SLC4A10: variants seen among roughly 807,000 people sequenced by gnomAD.
SLC4A10 encodes sodium-driven chloride bicarbonate exchanger.
A neutral mutation model predicts 137.7 loss-of-function variants in SLC4A10; 42 were observed. The ratio of observed to expected loss-of-function variants is 0.30; its 90% CI spans 0.24 to 0.39. The LOEUF is 0.39. SLC4A10 is among the 10% of genes least tolerant of loss of function. SLC4A10 has a pLI of 1.00. For missense variants in SLC4A10, 925 were observed against 1,355.0 expected, an observed-to-expected ratio of 0.68 and a Z score of 4.98; for synonymous variants, 474 against 464.1, an observed-to-expected ratio of 1.02 and a Z score of -0.27.
chr2:161,947,447 G>C (rs1694024090), intron 16 of SLC4A10, 119 bp from the exon 17 acceptor site: 2 of 982,108 alleles, frequency 2.0e-6, no homozygotes, highest in East Asian at 2.9e-5. Flanking sequence ...ATCATTGTGA[G>C]AGCCATAAAG....
chr2:161,667,203 T>A (rs2039148741), intron 1 of SLC4A10, among the ~76,000 whole-genome samples: 2 of 151,632 alleles, frequency 1.3e-5, no homozygotes, highest in Non-Finnish European at 1.5e-5. Context: ...CTTGTTTTCT[T>A]CATCTTCCTG....
chr2:161,724,321 G>A (rs1359343867), intron 1 of SLC4A10, among the ~76,000 whole-genome samples: 2 of 152,138 alleles, frequency 1.3e-5, no homozygotes, highest in African/African-American at 4.8e-5. Flanking sequence ...AATTTTTAGA[G>A]TTATTTTCAT....
intron 6 of SLC4A10, among the ~76,000 whole-genome samples, chr2:161,866,777 T>A (rs145032089): frequency 1.3e-5 from 2 of 151,992 alleles, no homozygotes; most frequent in East Asian, 3.9e-4. Flanking sequence ...AGTATCTGTA[T>A]TTATCATTTA....
intron 1 of SLC4A10, among the ~76,000 whole-genome samples, chr2:161,767,141 G>GTA (rs2050945493): frequency 1.2e-5 from 1 of 80,312 alleles, no homozygotes; most frequent in South Asian, 4.6e-4. Flanking sequence ...ATATATATAT[G>GTA]TGTGTGTGTG....
chr2:161,911,700 C>G (rs937965012), intron 15 of SLC4A10, among the ~76,000 whole-genome samples: 5 of 152,048 alleles, frequency 3.3e-5, no homozygotes, highest in African/African-American at 1.2e-4. Context: ...TTAGGCAGAT[C>G]TATGTACCTA....
At chr2:161,678,271 T>G (rs1245486378) in intron 1 of SLC4A10, among the ~76,000 whole-genome samples, 4 of 152,138 alleles carry the variant, frequency 2.6e-5, no homozygotes, top group African/African-American at 9.7e-5. Context: ...AGAAGACTTC[T>G]GAATATCTCC....
In SLC4A10 at chr2:161,930,443, T is replaced by C. The variant is rs115789664; in HGVS notation, c.1998-12349T>C. On this transcript the variant is annotated intron_variant, in intron 15 of 26. Transcript: ENST00000446997. ...ATCCATGAAACTCTAGGAATAGTAC[T>C]AGAAGCTTTATACACCATTATATAT... 8.8e-3 allele frequency among the ~76,000 whole-genome samples: 1,340 copies of C among 152,050 alleles called. 12 individuals carry two copies. The highest frequency in any genetic ancestry group is 0.034 in the South Asian group (164 of 4,824).
rs536970774 is a variant in SLC4A10 at position 161,981,053 on chromosome 2, T to C, written c.*27-2126T>C. Among the ~76,000 whole-genome samples the C allele has an allele frequency of 3.9e-5, 6 of 152,258 alleles. No individual in the cohort carries two copies. The East Asian group carries it at 1.2e-3, about 29-fold the overall frequency. Reference sequence around the variant, plus strand: ...TCTGATACCAAAACTATGGTTATGATGAAGAGGGAAAAAAACCCAGACATT... The same window carrying C: ...TCTGATACCAAAACTATGGTTATGACGAAGAGGGAAAAAAACCCAGACATT... On this transcript the variant is annotated intron_variant, in intron 26 of 26. Coordinates refer to ENST00000446997, the MANE Select transcript of SLC4A10 (RefSeq NM_001178015.2).
intron 1 of SLC4A10, among the ~76,000 whole-genome samples, chr2:161,766,100 G>A (rs2125388785): frequency 6.6e-6 from 1 of 152,128 alleles, no homozygotes; most frequent in Middle Eastern, 3.4e-3. Context: ...TATTTAAAAG[G>A]CGTACTGTAT....
chr2:161,899,420 G>C (rs2063866110), intron 11 of SLC4A10, among the ~76,000 whole-genome samples: 1 of 151,896 alleles, frequency 6.6e-6, no homozygotes, highest in African/African-American at 2.4e-5. Context: ...CACTCCAAGA[G>C]GCTTTTGCCC....
intron 1 of SLC4A10, among the ~76,000 whole-genome samples, chr2:161,767,082 A>G (rs1454621737): frequency 8.3e-6 from 1 of 120,522 alleles, no homozygotes; most frequent in Non-Finnish European, 1.7e-5. Flanking sequence ...GTTATGTTAA[A>G]GAATTAAGAA....
At chr2:161,647,477 T>C (rs2036216354) in intron 1 of SLC4A10, among the ~76,000 whole-genome samples, 1 of 152,080 alleles carries the variant, frequency 6.6e-6, no homozygotes, top group South Asian at 2.1e-4. Context: ...ATCAATATCT[T>C]AGATCATTTA....
At position 161,816,223 on chromosome 2, in the gene SLC4A10, T is replaced by C. The variant is rs1575102000; in HGVS notation, c.277+11628T>C. ...CTGCCTACTTAAGAAATAGTTATTT[T>C]ACGTGGAAGCATTCCAAAGAAAATA... On this transcript the variant is annotated intron_variant, in intron 3 of 26. Transcript: ENST00000446997. Among the ~76,000 whole-genome samples the C allele has an allele frequency of 3.3e-5, 5 of 152,288 alleles. No individual in the cohort carries two copies. The South Asian group carries it at 1.0e-3, about 32-fold the overall frequency.
intron 1 of SLC4A10, among the ~76,000 whole-genome samples, chr2:161,722,386 G>T (rs1182370389): frequency 6.6e-6 from 1 of 152,226 alleles, no homozygotes; most frequent in Non-Finnish European, 1.5e-5. Context: ...TTCTGTTGAT[G>T]TTGCTGTTTT....
At chr2:161,724,714 G>C (rs780983408) in intron 1 of SLC4A10, among the ~76,000 whole-genome samples, 1 of 152,156 alleles carries the variant, frequency 6.6e-6, no homozygotes, top group Non-Finnish European at 1.5e-5. Flanking sequence ...GGTCCCTTCT[G>C]TCTTTAATGC....
At chr2:161,648,963 C>T (rs1185460124) in intron 1 of SLC4A10, among the ~76,000 whole-genome samples, 2 of 152,054 alleles carry the variant, frequency 1.3e-5, no homozygotes, top group African/African-American at 4.8e-5. Context: ...TCCCTAGTTG[C>T]ATCAAAAATT....
chr2:161,870,114 TACA>T (rs887897009), intron 6 of SLC4A10, among the ~76,000 whole-genome samples: 35 of 151,204 alleles, frequency 2.3e-4, no homozygotes, highest in Admixed American at 2.0e-3. Flanking sequence ...AAGAATAGCA[TACA>T]ACAATCTCAA....
chr2:161,720,501 G>A (rs1276589899), intron 1 of SLC4A10, among the ~76,000 whole-genome samples: 1 of 152,106 alleles, frequency 6.6e-6, no homozygotes, highest in Non-Finnish European at 1.5e-5. Flanking sequence ...CACTGTTATT[G>A]TGTGGGAGTC....
At chr2:161,908,874 G>A (rs1364431053) in intron 15 of SLC4A10, among the ~76,000 whole-genome samples, 1 of 151,992 alleles carries the variant, frequency 6.6e-6, no homozygotes, top group South Asian at 2.1e-4. Flanking sequence ...ATAAACATGG[G>A]ATTGCAACCT....
Sources: allele counts gnomAD v4.1 joint callset (sites outside exome capture counted in the v4.1 genomes callset), GRCh38; gene constraint gnomAD v4.1.1; transcripts MANE v1.5; gene names NCBI Gene and HGNC (gene_info 2026-07-23, HGNC 2026-07-21).